The following FOXN3 variants were observed in gnomAD, a reference collection of about 807,000 sequenced individuals.
FOXN3 encodes the protein forkhead box N3.
Under a neutral mutation model 38.4 loss-of-function variants are expected in FOXN3, and 7 were observed. That is an observed-to-expected ratio of 0.18 (90% CI 0.10 to 0.34). The LOEUF is 0.34. FOXN3 is among the 10% of genes least tolerant of loss of function. FOXN3 has a pLI of 1.00. For missense variants in FOXN3, 456 were observed against 613.4 expected, an observed-to-expected ratio of 0.74 and a Z score of 2.71; for synonymous variants, 230 against 242.2, an observed-to-expected ratio of 0.95 and a Z score of 0.47.
chr14:89,263,407 C>G (rs1019586782), intron 4 of FOXN3, among the ~76,000 whole-genome samples: 2 of 150,718 alleles, frequency 1.3e-5, no homozygotes, highest in Non-Finnish European at 2.9e-5. Context: ...ATTCAGTAAT[C>G]TTTGCCAGCT....
chr14:89,611,186 A>G (rs1334866484), intron 1 of FOXN3, among the ~76,000 whole-genome samples: 2 of 152,222 alleles, frequency 1.3e-5, no homozygotes, highest in Non-Finnish European at 2.9e-5. Context: ...TGTAGACTTT[A>G]TATGACTTAG....
intron 4 of FOXN3, among the ~76,000 whole-genome samples, chr14:89,233,191 T>G (rs1884870907): frequency 6.6e-6 from 1 of 152,254 alleles, no homozygotes; most frequent in African/African-American, 2.4e-5. Flanking sequence ...TATGCAATGC[T>G]GCGACCATCA....
At chr14:89,467,391 T>C (rs1298705811) in intron 1 of FOXN3, among the ~76,000 whole-genome samples, 2 of 152,242 alleles carry the variant, frequency 1.3e-5, no homozygotes, top group Non-Finnish European at 2.9e-5. Flanking sequence ...GAAGGGGCTC[T>C]TGGAGAGAGT....
At chr14:89,346,870 A>G (rs1053558784) in intron 3 of FOXN3, among the ~76,000 whole-genome samples, 9 of 152,010 alleles carry the variant, frequency 5.9e-5, no homozygotes, top group Non-Finnish European at 1.3e-4. Flanking sequence ...ATTTATTTCT[A>G]TCAGTCTGGA....
chr14:89,277,523 C>A (rs1311020994), intron 4 of FOXN3, among the ~76,000 whole-genome samples: 3 of 152,136 alleles, frequency 2.0e-5, no homozygotes, highest in South Asian at 2.1e-4. Flanking sequence ...TGGTGTAATC[C>A]AAACCAAATC....
In FOXN3 at chr14:89,508,523, C is replaced by T. The variant is rs989384391; in HGVS notation, c.-14-96033G>A. On this transcript the variant is annotated intron_variant, in intron 1 of 6. Coordinates refer to the FOXN3 transcript ENST00000345097. The stretch of plus-strand genomic sequence containing the variant: ...GGAAAGCGGTGTTGAAAGTGGCACT[C>T]GCTCAGAAAAGCCGAAGAGCTTGGG... Among the ~76,000 whole-genome samples the T allele has an allele frequency of 5.9e-5, 9 of 152,242 alleles. 2 individuals carry two copies. Among genetic ancestry groups the T allele is most frequent in the Admixed American group, 5.2e-4 (8 of 15,304 alleles).
intron 4 of FOXN3, 111 bp downstream of exon 4, chr14:89,280,839 G>T (rs991336175): frequency 7.1e-5 from 57 of 807,040 alleles, no homozygotes; most frequent in Admixed American, 5.0e-4. Flanking sequence ...TCCAGAAAGC[G>T]GCCACTCCTA....
chr14:89,604,122 A>C (rs1181719594), intron 1 of FOXN3, among the ~76,000 whole-genome samples: 1 of 152,168 alleles, frequency 6.6e-6, no homozygotes, highest in East Asian at 1.9e-4. Context: ...AAACAAATGC[A>C]AATTCTGGAG....
At chr14:89,189,132 A>C (rs956077903) in intron 4 of FOXN3, among the ~76,000 whole-genome samples, 4 of 152,168 alleles carry the variant, frequency 2.6e-5, no homozygotes, top group African/African-American at 9.7e-5. Flanking sequence ...GGTCTTTTAA[A>C]ATAGGAACAA....
intron 3 of FOXN3, among the ~76,000 whole-genome samples, chr14:89,285,523 C>CAA (rs57236792): frequency 1.5e-5 from 2 of 132,558 alleles, no homozygotes; most frequent in Non-Finnish European, 3.2e-5. Flanking sequence ...CGTCTCAAAA[C>CAA]AAAAAAAAAA....
Position 89,161,929 on chromosome 14 carries a change from T to G in FOXN3, c.*485A>C, listed in dbSNP as rs1201767471. 4 of 152,534 alleles carry G rather than the reference T, an allele frequency of 2.6e-5. No individual in the cohort carries two copies. The highest frequency in any genetic ancestry group is 7.2e-5 in the African/African-American group (3 of 41,412). The allele number at this position is 152,534 out of a possible 1,614,324, so 9.4% of individuals were successfully genotyped here. Reference sequence around the variant, plus strand: ...CGAGGGGTTCCTCCTCCTCCTCAATTGCTTTATGTGCCTTCACTCAGTGAA... The same window carrying G: ...CGAGGGGTTCCTCCTCCTCCTCAATGGCTTTATGTGCCTTCACTCAGTGAA... On this transcript the variant is annotated 3_prime_UTR_variant, in exon 6 of 6. Transcript: ENST00000557258.
rs1244344143 is a variant in FOXN3, at chr14:89,160,740, G to T, written c.*1674C>A. 3.9e-5 allele frequency: 6 copies of T among 152,614 alleles called. No homozygotes were observed. In the East Asian group the frequency reaches 9.6e-4, roughly 25 times the overall value. 9.5% of individuals were successfully genotyped at this position (152,614 alleles called of 1,614,324 possible). ...TCGGGGCTGAAGTGCACACAAGGCA[G>T]TACAGAGTTCAACCATCCAAGCCCT... is the stretch of plus-strand genomic sequence containing the variant. On this transcript the variant is annotated 3_prime_UTR_variant, in exon 6 of 6. Transcript: ENST00000557258.
chr14:89,561,987 AT>A, intron 1 of FOXN3, among the ~76,000 whole-genome samples: 1 of 152,330 alleles, frequency 6.6e-6, no homozygotes, highest in African/African-American at 2.4e-5. Flanking sequence ...GAAAAGAAAT[AT>A]ATTAGCTCCC....
At chr14:89,288,720 CTCTCTATATATATATATATA>C (rs1160505952) in intron 3 of FOXN3, among the ~76,000 whole-genome samples, 77 of 37,328 alleles carry the variant, frequency 2.1e-3, no homozygotes, top group African/African-American at 4.7e-3. Flanking sequence ...CTCTCTCTCT[CTCTCTATATATATATATATA>C]TATATATATA....
chr14:89,374,850 G>T (rs1423783031), intron 2 of FOXN3, among the ~76,000 whole-genome samples: 1 of 151,940 alleles, frequency 6.6e-6, no homozygotes, highest in African/African-American at 2.4e-5. Context: ...GGTGGCGCAC[G>T]CCTGTAATCC....
At chr14:89,599,386 G>T (rs1040576807) in intron 1 of FOXN3, among the ~76,000 whole-genome samples, 4 of 152,032 alleles carry the variant, frequency 2.6e-5, no homozygotes, top group African/African-American at 9.7e-5. Flanking sequence ...TGCAGTAATT[G>T]TATTTTTCAG....
At chr14:89,312,763 G>T (rs1195299820) in intron 3 of FOXN3, among the ~76,000 whole-genome samples, 1 of 152,124 alleles carries the variant, frequency 6.6e-6, no homozygotes, top group African/African-American at 2.4e-5. Context: ...ACATTGGACT[G>T]TTAGAACTGC....
intron 2 of FOXN3, among the ~76,000 whole-genome samples, chr14:89,360,857 C>CACCACCACCACCACT: frequency 1.3e-5 from 1 of 77,832 alleles, no homozygotes; most frequent in Non-Finnish European, 2.5e-5. Flanking sequence ...CCACCTCCAC[C>CACCACCACCACCACT]ACCACCTCCA....
intron 4 of FOXN3, among the ~76,000 whole-genome samples, chr14:89,266,717 G>A (rs973959502): frequency 2.6e-5 from 4 of 152,130 alleles, no homozygotes; most frequent in African/African-American, 9.7e-5. Context: ...AGATCCTGGG[G>A]GAAATAAGTA....
Sources: allele counts gnomAD v4.1 joint callset (sites outside exome capture counted in the v4.1 genomes callset), GRCh38; gene constraint gnomAD v4.1.1; transcripts MANE v1.5; gene names NCBI Gene and HGNC (gene_info 2026-07-23, HGNC 2026-07-21).